MBNL3: variants seen among roughly 807,000 people sequenced by gnomAD.
MBNL3 encodes the protein muscleblind like splicing regulator 3.
Under a neutral mutation model 24.5 loss-of-function variants are expected in MBNL3, and 6 were observed. The ratio of observed to expected loss-of-function variants is 0.25; its 90% confidence interval spans 0.13 to 0.48. The LOEUF (loss-of-function observed/expected upper bound fraction) is 0.48, where lower values mean the gene tolerates loss of function less well. MBNL3 is among the 20% of genes least tolerant of loss of function. The pLI is 0.99. For missense variants in MBNL3, 230 were observed against 293.5 expected, an observed-to-expected ratio of 0.78 and a Z score of 1.58; for synonymous variants, 100 against 101.7, an observed-to-expected ratio of 0.98 and a Z score of 0.10.
intron 5 of MBNL3, among the ~76,000 whole-genome samples, chrX:132,387,115 T>C (rs1603064516): frequency 9.5e-6 from 1 of 104,916 alleles, no homozygotes; most frequent in African/African-American, 3.5e-5. Flanking sequence ...TCTGAAAAAA[T>C]AGAAAAAGTA....
In MBNL3 at chrX:132,439,409, A is replaced by G. The variant is rs369600089; in HGVS notation, c.177+26T>C. 1.2e-5 allele frequency: 13 copies of G among 1,111,488 alleles called. No homozygotes were observed. The African/African-American group carries it at 2.5e-4, about 21-fold the overall frequency. The allele number at this position is 1,111,488 out of a possible 1,213,427, so 91.6% of individuals were successfully genotyped here. ...AAAACATAGAAATCAACAAATTTAA[A>G]TTATGTGCATTCAGATGGGACTCAC... On this transcript the variant is annotated intron_variant, in intron 2 of 8. Transcript: ENST00000370853.
At chrX:132,439,354 T>G in intron 2 of MBNL3, 81 bp downstream of exon 2, 1 of 998,097 alleles carries the variant, frequency 1.0e-6, no homozygotes, top group Middle Eastern at 2.7e-4. Flanking sequence ...ATTATTAATT[T>G]TACTCATTTC....
chrX:132,413,715 C>A, intron 2 of MBNL3: 1 of 700,045 alleles, frequency 1.4e-6, no homozygotes, highest in Middle Eastern at 5.1e-4. Flanking sequence ...CCACCGGTGG[C>A]GCAACAGTAT....
chrX:132,443,192 C>G (rs759252019), intron 1 of MBNL3, among the ~76,000 whole-genome samples: 1 of 111,730 alleles, frequency 9.0e-6, no homozygotes, highest in South Asian at 3.7e-4. Flanking sequence ...TTCGATCTCT[C>G]AAAAATATTC....
In MBNL3 at chrX:132,382,287, C is replaced by T. The variant is rs1284925665; in HGVS notation, c.959-15G>A. On this transcript the variant is annotated splice_polypyrimidine_tract_variant and intron_variant, in intron 7 of 8. Coordinates refer to ENST00000370853, the MANE Select transcript of MBNL3 (RefSeq NM_001386889.1). Reference sequence around the variant, plus strand: ...CATCATGGGCACTTTCAGTTGAAAACCATAGAAGCAACACACGGGAGGGTA... The same window carrying T: ...CATCATGGGCACTTTCAGTTGAAAATCATAGAAGCAACACACGGGAGGGTA... 37 of 1,167,567 alleles carry T rather than the reference C, an allele frequency of 3.2e-5. No individual in the cohort carries two copies. The highest frequency in any genetic ancestry group is 4.1e-5 in the Non-Finnish European group (35 of 861,328).
At chrX:132,381,427 G>T in intron 8 of MBNL3, 1 of 1,141,512 alleles carries the variant, frequency 8.8e-7, no homozygotes. Context: ...TTGATAATTG[G>T]GGTATCTATA....
intron 4 of MBNL3, 86 bp from the exon 5 acceptor site, chrX:132,391,169 AC>A: frequency 1.5e-6 from 1 of 652,526 alleles, no homozygotes; most frequent in Non-Finnish European, 2.4e-6. Flanking sequence ...AGTGAATGTA[AC>A]AGTAATTATA....
chrX:132,433,480 T>A (rs1395308362), intron 2 of MBNL3, among the ~76,000 whole-genome samples: 1 of 112,050 alleles, frequency 8.9e-6, no homozygotes, highest in Non-Finnish European at 1.9e-5. Context: ...TCCCCATCAC[T>A]GGGGTATGAA....
chrX:132,466,832 G>A (rs1003341337), intron 1 of MBNL3, among the ~76,000 whole-genome samples: 4 of 111,442 alleles, frequency 3.6e-5, no homozygotes, highest in Admixed American at 1.9e-4. Flanking sequence ...AGTAAACCAT[G>A]AGCCAGGAAT....
intron 1 of MBNL3, among the ~76,000 whole-genome samples, chrX:132,460,709 T>C (rs1345394084): frequency 8.9e-6 from 1 of 111,854 alleles, no homozygotes; most frequent in Non-Finnish European, 1.9e-5. Context: ...TAAATTATTA[T>C]TACTTTTTAT....
chrX:132,482,952 T>C (rs996720193), intron 1 of MBNL3, among the ~76,000 whole-genome samples: 4 of 112,135 alleles, frequency 3.6e-5, no homozygotes, highest in African/African-American at 6.5e-5. Context: ...TCCCTAATGA[T>C]TTTATTGGGA....
chrX:132,387,134 T>C (rs2148075082), intron 5 of MBNL3, among the ~76,000 whole-genome samples: 1 of 108,150 alleles, frequency 9.2e-6, no homozygotes, highest in Admixed American at 9.9e-5. Flanking sequence ...TAGCCAGGCA[T>C]GGTGGTGCAT....
chrX:132,480,851 C>T lies in MBNL3; in HGVS notation c.-704+8000G>A, dbSNP rs1477491677. ...TTGTGTAAATAAAGCCATAAACTTTCGAAGGCCCATGCAATCCCAGACCAC... is the reference window on the plus strand; with the variant it reads ...TTGTGTAAATAAAGCCATAAACTTTTGAAGGCCCATGCAATCCCAGACCAC... On this transcript the variant is annotated intron_variant, in intron 1 of 8. Transcript: ENST00000370853. Among the ~76,000 whole-genome samples the T allele has an allele frequency of 1.8e-5, 2 of 111,551 alleles. 1 individual carries two copies. The highest frequency in any genetic ancestry group is 8.4e-3 in the Middle Eastern group (2 of 237).
intron 6 of MBNL3, 149 bp downstream of exon 6, chrX:132,386,512 A>G (rs1046306126): frequency 7.1e-6 from 4 of 564,702 alleles, no homozygotes; most frequent in Non-Finnish European, 1.1e-5. Flanking sequence ...AGTTCTAGAT[A>G]CTAGCAGATA....
At chrX:132,395,862 C>T (rs778499796) in intron 3 of MBNL3, among the ~76,000 whole-genome samples, 2 of 110,895 alleles carry the variant, frequency 1.8e-5, no homozygotes, top group Non-Finnish European at 1.9e-5. Flanking sequence ...AAGGACCCCA[C>T]GACACTCACC....
chrX:132,489,385 AG>A (rs1489903018), upstream of MBNL3, among the ~76,000 whole-genome samples: 2 of 112,108 alleles, frequency 1.8e-5, no homozygotes, highest in Admixed American at 1.8e-4. Context: ...CTCTTGGTTC[AG>A]TCCACTCGGA....
At chrX:132,476,825 A>C (rs1017450423) in intron 1 of MBNL3, among the ~76,000 whole-genome samples, 1 of 111,531 alleles carries the variant, frequency 9.0e-6, no homozygotes, top group Non-Finnish European at 1.9e-5. Context: ...AACGTGAAAA[A>C]GGTAGCTGAC....
intron 5 of MBNL3, among the ~76,000 whole-genome samples, chrX:132,387,215 T>C (rs1936218398): frequency 1.1e-5 from 1 of 93,089 alleles, no homozygotes; most frequent in Non-Finnish European, 2.0e-5. Flanking sequence ...AAGACTGCAG[T>C]GAGCTGAGAC....
At chrX:132,484,279 CAG>C (rs2148552264) in intron 1 of MBNL3, among the ~76,000 whole-genome samples, 1 of 112,072 alleles carries the variant, frequency 8.9e-6, no homozygotes, top group South Asian at 3.7e-4. Flanking sequence ...CAATAAAAAA[CAG>C]AAATAATGCT....
Sources: allele counts gnomAD v4.1 joint callset (sites outside exome capture counted in the v4.1 genomes callset), GRCh38; gene constraint gnomAD v4.1.1; transcripts MANE v1.5; gene names NCBI Gene and HGNC (gene_info 2026-07-23, HGNC 2026-07-21).